The following TMOD3 variants were observed in gnomAD, a reference collection of about 807,000 sequenced individuals.
The protein encoded by TMOD3 is tropomodulin-3.
TMOD3 carries 20 observed loss-of-function variants against 39.2 expected under a neutral mutation model. That is an observed-to-expected ratio of 0.51 (90% CI 0.36 to 0.74). TMOD3 has a LOEUF of 0.74. Among genes scored for constraint, TMOD3 ranks in the 30% least tolerant of loss-of-function variants. The pLI, the probability that TMOD3 is intolerant of heterozygous loss-of-function variation, is 0.00. For missense variants in TMOD3, 381 were observed against 412.8 expected, an observed-to-expected ratio of 0.92 and a Z score of 0.67; for synonymous variants, 143 against 145.8, an observed-to-expected ratio of 0.98 and a Z score of 0.14.
At chr15:51,857,861 T>A (rs1179802990) in intron 1 of TMOD3, among the ~76,000 whole-genome samples, 2 of 152,162 alleles carry the variant, frequency 1.3e-5, no homozygotes, top group East Asian at 3.8e-4. Flanking sequence ...ATCATTGATA[T>A]TTTTATAAAG....
chr15:51,886,183 C>G (rs1046709151), intron 3 of TMOD3, among the ~76,000 whole-genome samples: 20 of 151,204 alleles, frequency 1.3e-4, no homozygotes, highest in African/African-American at 4.6e-4. Flanking sequence ...ACTTCCCAGA[C>G]TGGGCAGCCA....
At chr15:51,866,455 C>CT (rs1189867635) in intron 2 of TMOD3, among the ~76,000 whole-genome samples, 1 of 151,706 alleles carries the variant, frequency 6.6e-6, no homozygotes, top group African/African-American at 2.4e-5. Flanking sequence ...AAGACCCTGT[C>CT]TCCCCCCTAC....
At chr15:51,894,285 G>A (rs891388728) in intron 6 of TMOD3, among the ~76,000 whole-genome samples, 3 of 152,050 alleles carry the variant, frequency 2.0e-5, no homozygotes, top group African/African-American at 4.8e-5. Flanking sequence ...GTATGGTGGT[G>A]CATGCCTGTA....
intron 1 of TMOD3, among the ~76,000 whole-genome samples, chr15:51,858,516 A>T (rs143543972): frequency 6.6e-6 from 1 of 151,916 alleles, no homozygotes; most frequent in East Asian, 1.9e-4. Flanking sequence ...GGGCAGTTAC[A>T]CAAGTTGCCT....
chr15:51,915,339 C>T lies in TMOD3; in HGVS notation c.*6529C>T, dbSNP rs543760762. ...AATTGTTTTTTCAAATGTATATACA[C>T]GTATAACATAAAAATTTTTGTAATT... On this transcript the variant is annotated 3_prime_UTR_variant, in exon 10 of 10. Transcript: ENST00000308580. 9 of 151,754 alleles carry T rather than the reference C, an allele frequency of 5.9e-5. No homozygotes were observed. The highest frequency in any genetic ancestry group is 5.8e-4 in the East Asian group (3 of 5,172). The allele number at this position is 151,754 out of a possible 1,614,324, so 9.4% of individuals were successfully genotyped here. A position where few individuals can be genotyped will look rare whatever the true frequency, so the allele number is the denominator to read the frequency against.
chr15:51,848,449 C>CCTTA (rs938952827), intron 1 of TMOD3, among the ~76,000 whole-genome samples: 1 of 152,124 alleles, frequency 6.6e-6, no homozygotes, highest in Non-Finnish European at 1.5e-5. Context: ...TGAAACTCAA[C>CCTTA]CTTAACATTA....
rs1330586484 is a variant in TMOD3, at chr15:51,892,867, TTGAG to T, written c.497-945_497-942del. Among the ~76,000 whole-genome samples, 10 of 152,298 alleles carry T rather than the reference TTGAG, an allele frequency of 6.6e-5. No individual in the cohort carries two copies. The East Asian group carries it at 1.9e-3, about 29-fold the overall frequency. ...CATCAACTTGTGCTATCAAATATAT[TTGAG>T]TGGTAAAAATATCTTGTAATATACT... On this transcript the variant is annotated intron_variant, in intron 5 of 9. Coordinates refer to ENST00000308580, the MANE Select transcript of TMOD3 (RefSeq NM_014547.5).
intron 3 of TMOD3, among the ~76,000 whole-genome samples, chr15:51,882,367 C>T (rs182273329): frequency 1.0e-3 from 154 of 151,850 alleles, no homozygotes; most frequent in Admixed American, 2.3e-3. Flanking sequence ...GGCAAAACCC[C>T]ATCTACTAGT....
rs763298402 is a variant in TMOD3 at position 51,900,271 on chromosome 15, C to T, written c.852C>T (p.Thr284=). Residue 284 remains threonine, a synonymous_variant, in exon 8 of 10, where the codon ACC becomes ACT. Transcript: ENST00000308580. ...ALIDALRDNE[T]LAELKIDNQR... ...TTGATGCGTTAAGAGATAATGAAACCCTGGCAGAGCTCAAGATTGACAATC... is the reference window on the plus strand; with the variant it reads ...TTGATGCGTTAAGAGATAATGAAACTCTGGCAGAGCTCAAGATTGACAATC... 12 of 1,613,908 alleles carry T rather than the reference C, an allele frequency of 7.4e-6. No homozygotes were observed. The highest frequency in any genetic ancestry group is 5.3e-5 in the African/African-American group (4 of 74,880).
At position 51,909,931 on chromosome 15, in the gene TMOD3, A is replaced by G. The variant is rs1466073092; in HGVS notation, c.*1121A>G. ...TTTAGTATATGCTTCCTTTCATCTTATACTTTTATCAATATTTATAAAAGT... is the reference window on the plus strand; with the variant it reads ...TTTAGTATATGCTTCCTTTCATCTTGTACTTTTATCAATATTTATAAAAGT... On this transcript the variant is annotated 3_prime_UTR_variant, in exon 10 of 10. Transcript: ENST00000308580. 6.6e-6 allele frequency: 1 copy of G among 152,258 alleles called. No homozygotes were observed. Among genetic ancestry groups the G allele is most frequent in the East Asian group, 1.9e-4 (1 of 5,204 alleles). The allele number at this position is 152,258 out of a possible 1,614,324, so 9.4% of individuals were successfully genotyped here.
intron 1 of TMOD3, among the ~76,000 whole-genome samples, chr15:51,845,254 G>A (rs564274738): frequency 6.6e-6 from 1 of 152,264 alleles, no homozygotes; most frequent in East Asian, 1.9e-4. Context: ...GGGAGGATCT[G>A]TGCTCAGTGA....
At chr15:51,886,027 G>A (rs1449736013) in intron 3 of TMOD3, among the ~76,000 whole-genome samples, 4 of 151,772 alleles carry the variant, frequency 2.6e-5, no homozygotes, top group Admixed American at 6.5e-5. Flanking sequence ...CTTCCCAGAC[G>A]GGGTGGCTGC....
intron 2 of TMOD3, among the ~76,000 whole-genome samples, chr15:51,868,441 CCCACCCT>C (rs1320584515): frequency 1.3e-5 from 2 of 152,140 alleles, no homozygotes; most frequent in Non-Finnish European, 2.9e-5. Context: ...TCTACCTCCT[CCCACCCT>C]CCACCCTCCT....
At chr15:51,861,008 G>A in intron 1 of TMOD3, 2 of 674,158 alleles carry the variant, frequency 3.0e-6, no homozygotes, top group Admixed American at 4.3e-5. Context: ...AGGCACTTCG[G>A]AAAACACCTT....
intron 1 of TMOD3, among the ~76,000 whole-genome samples, chr15:51,845,922 T>C (rs1300386215): frequency 6.6e-6 from 1 of 152,192 alleles, no homozygotes; most frequent in African/African-American, 2.4e-5. Flanking sequence ...ATTCTCCTTA[T>C]TCTAGCAAAG....
At chr15:51,893,133 A>G (rs866449144) in intron 5 of TMOD3, among the ~76,000 whole-genome samples, 2 of 151,672 alleles carry the variant, frequency 1.3e-5, no homozygotes, top group Non-Finnish European at 2.9e-5. Context: ...CATCTCTACT[A>G]AAAATACAAA....
chr15:51,855,579 C>T (rs1355987494), intron 1 of TMOD3, among the ~76,000 whole-genome samples: 1 of 152,216 alleles, frequency 6.6e-6, no homozygotes, highest in Non-Finnish European at 1.5e-5. Context: ...AAAACCAATT[C>T]CCATATTCTT....
rs2056705145 is a variant in TMOD3, at chr15:51,910,566, ACT to A, written c.*1759_*1760del. 1 of 152,236 alleles carries A rather than the reference ACT, an allele frequency of 6.6e-6. No homozygotes were observed. The highest frequency in any genetic ancestry group is 6.5e-5 in the Admixed American group (1 of 15,278). The allele number at this position is 152,236 out of a possible 1,614,324, so 9.4% of individuals were successfully genotyped here. A position where few individuals can be genotyped will look rare whatever the true frequency, so the allele number is the denominator to read the frequency against. On this transcript the variant is annotated 3_prime_UTR_variant, in exon 10 of 10. Transcript: ENST00000308580. ...ACTGCAGTCTGGGTGACAAAGCAAGACTCTGTCTCAAAAAACAAACAAACAAA... is the reference window on the plus strand; with the variant it reads ...ACTGCAGTCTGGGTGACAAAGCAAGACTGTCTCAAAAAACAAACAAACAAA...
intron 1 of TMOD3, among the ~76,000 whole-genome samples, chr15:51,854,560 G>A (rs2056378701): frequency 6.6e-6 from 1 of 152,170 alleles, no homozygotes. Context: ...TATAGTCAGT[G>A]TCGATACCTT....
Sources: allele counts gnomAD v4.1 joint callset (sites outside exome capture counted in the v4.1 genomes callset), GRCh38; gene constraint gnomAD v4.1.1; transcripts MANE v1.5; gene names NCBI Gene and HGNC (gene_info 2026-07-23, HGNC 2026-07-21).